The following MACROH2A1 variants were observed in gnomAD, a reference collection of about 807,000 sequenced individuals.
MACROH2A1 encodes macroH2A.1 histone, also known as core histone macro-H2A.1.
Under a neutral mutation model 31.6 loss-of-function variants are expected in MACROH2A1, and 2 were observed. The observed-to-expected ratio is 0.06, with a 90% CI of 0.03 to 0.20. MACROH2A1 has a LOEUF of 0.20. Among genes scored for constraint, MACROH2A1 ranks in the 10% least tolerant of loss-of-function variants. The pLI, the probability that MACROH2A1 is intolerant of heterozygous loss-of-function variation, is 1.00. For missense variants in MACROH2A1, 230 were observed against 474.0 expected (o/e 0.49, Z 4.78); for synonymous variants, 169 against 189.6 (o/e 0.89, Z 0.89).
intron 6 of MACROH2A1, chr5:135,351,602 G>T: frequency 9.8e-6 from 1 of 102,006 alleles, no homozygotes; most frequent in Admixed American, 1.5e-4. Context: ...TCTTGCTGTT[G>T]CCTAGGCTGG....
chr5:135,346,983 A>G (rs1760921856), intron 6 of MACROH2A1: 1 of 152,246 alleles, frequency 6.6e-6, no homozygotes, highest in South Asian at 2.1e-4. Flanking sequence ...AAGTTTGGCC[A>G]GAATGGGGTC....
intron 8 of MACROH2A1, among the ~76,000 whole-genome samples, chr5:135,336,954 G>GTACTT (rs1262011269): frequency 5.3e-5 from 8 of 152,354 alleles, no homozygotes; most frequent in South Asian, 2.1e-4. Flanking sequence ...GTTGCAGCCT[G>GTACTT]TACTTAGGGG....
chr5:135,354,636 C>A, intron 5 of MACROH2A1: 1 of 202,950 alleles, frequency 4.9e-6, no homozygotes, highest in Non-Finnish European at 1.0e-5. Context: ...GGCACCAGGA[C>A]AGAGGCACAG....
chr5:135,352,042 G>A (rs2149775008), intron 6 of MACROH2A1, among the ~76,000 whole-genome samples: 1 of 152,186 alleles, frequency 6.6e-6, no homozygotes, highest in South Asian at 2.1e-4. Context: ...GTCAGGCCTG[G>A]GCCCATGGAA....
chr5:135,334,889 A>G lies in MACROH2A1; in HGVS notation c.*87T>C. 1 of 1,132,070 alleles carries G rather than the reference A, an allele frequency of 8.8e-7. No individual in the cohort carries two copies. Among genetic ancestry groups the G allele is most frequent in the Non-Finnish European group, 1.3e-6 (1 of 781,912 alleles). 70.1% of individuals were successfully genotyped at this position (1,132,070 alleles called of 1,614,324 possible). ...CAAAACTGAAAATGAAAGGGGTCCC[A>G]CCTCCCAGTAGGAGTGAAGGGGATT... On this transcript the variant is annotated 3_prime_UTR_variant, in exon 9 of 9. Transcript: ENST00000511689.
At chr5:135,397,562 T>C (rs1242033821) in intron 1 of MACROH2A1, among the ~76,000 whole-genome samples, 1 of 152,236 alleles carries the variant, frequency 6.6e-6, no homozygotes, top group African/African-American at 2.4e-5. Flanking sequence ...TTCTCTCTCC[T>C]TGTAAAACTA....
rs888703041 is a variant in MACROH2A1, at chr5:135,368,666, C to A, written c.477+740G>T. ...ACAACTGCTGACAAGTAGGACTGGG[C>A]AAAGAAGGAACAAAGAAAATGTATC... On this transcript the variant is annotated intron_variant, in intron 4 of 8. Coordinates refer to ENST00000511689, the MANE Select transcript of MACROH2A1 (RefSeq NM_138610.3). 4.6e-5 allele frequency among the ~76,000 whole-genome samples: 7 copies of A among 152,304 alleles called. No individual in the cohort carries two copies. The East Asian group carries it at 1.3e-3, about 29-fold the overall frequency.
chr5:135,395,679 G>GAT (rs1767872554), intron 1 of MACROH2A1, among the ~76,000 whole-genome samples: 1 of 152,198 alleles, frequency 6.6e-6, no homozygotes. Flanking sequence ...GAGGCATGTG[G>GAT]ATATACTAGA....
chr5:135,363,368 C>T lies in MACROH2A1; in HGVS notation c.478-2761G>A, dbSNP rs563694860. On this transcript the variant is annotated intron_variant, in intron 4 of 8. Transcript: ENST00000511689. ...TTTTCCCTTCAAGGTACCCACCCAA[C>T]GGGACAACAGGGCAGGTGCTTAAGG... Among the ~76,000 whole-genome samples, 19 of 152,308 alleles carry T rather than the reference C, an allele frequency of 1.2e-4. No homozygotes were observed. In the South Asian group the frequency reaches 2.7e-3, roughly 22 times the overall value.
At chr5:135,340,374 A>G (rs746295971) in intron 8 of MACROH2A1, among the ~76,000 whole-genome samples, 4 of 152,252 alleles carry the variant, frequency 2.6e-5, no homozygotes, top group Non-Finnish European at 4.4e-5. Flanking sequence ...TAGCTTGAAA[A>G]AAATAAACCA....
chr5:135,380,882 G>A (rs1765572564), intron 2 of MACROH2A1, among the ~76,000 whole-genome samples: 3 of 152,198 alleles, frequency 2.0e-5, no homozygotes, highest in African/African-American at 7.2e-5. Context: ...AAATGCAAAA[G>A]AGCCCAAAGG....
chr5:135,341,503 T>C (rs1220927508), intron 8 of MACROH2A1, among the ~76,000 whole-genome samples: 1 of 152,244 alleles, frequency 6.6e-6, no homozygotes, highest in African/African-American at 2.4e-5. Flanking sequence ...ACCAGAGATC[T>C]TTCCCCAGAG....
chr5:135,380,958 T>C (rs1021228393), intron 2 of MACROH2A1, among the ~76,000 whole-genome samples: 2 of 152,164 alleles, frequency 1.3e-5, no homozygotes, highest in Non-Finnish European at 2.9e-5. Flanking sequence ...TTATTACTTA[T>C]TAGAGAAAAG....
intron 8 of MACROH2A1, among the ~76,000 whole-genome samples, chr5:135,339,329 C>T (rs1160465679): frequency 6.6e-6 from 1 of 152,140 alleles, no homozygotes; most frequent in Non-Finnish European, 1.5e-5. Flanking sequence ...TGTCTGGACA[C>T]GCAGGGACTC....
At chr5:135,377,830 G>A (rs1245412945) in intron 2 of MACROH2A1, among the ~76,000 whole-genome samples, 1 of 152,200 alleles carries the variant, frequency 6.6e-6, no homozygotes, top group African/African-American at 2.4e-5. Context: ...CAGACACTCT[G>A]TCCCAGCCTG....
chr5:135,382,840 G>A lies in MACROH2A1; in HGVS notation c.172+6082C>T, dbSNP rs184717058. On this transcript the variant is annotated intron_variant, in intron 2 of 8. Coordinates refer to ENST00000511689, the MANE Select transcript of MACROH2A1 (RefSeq NM_138610.3). ...ATGGGCCCATTGCTTCACAAAGTAG[G>A]CCCAGATCATGTTTACGCTCTCCTG... Among the ~76,000 whole-genome samples, 49 of 152,302 alleles carry A rather than the reference G, an allele frequency of 3.2e-4. No homozygotes were observed. The East Asian group carries it at 9.4e-3, about 29-fold the overall frequency.
At chr5:135,389,455 G>A (rs1766895595) in intron 1 of MACROH2A1, among the ~76,000 whole-genome samples, 1 of 152,182 alleles carries the variant, frequency 6.6e-6, no homozygotes, top group South Asian at 2.1e-4. Context: ...TGAGACTGGG[G>A]CTGATAAACT....
intron 1 of MACROH2A1, 111 bp from the exon 2 acceptor site, chr5:135,389,237 G>A (rs1766861513): frequency 4.5e-6 from 3 of 667,316 alleles, no homozygotes; most frequent in East Asian, 5.8e-5. Flanking sequence ...AGATGCCACT[G>A]TCTGTAGCTG....
chr5:135,370,195 G>T, intron 2 of MACROH2A1, 53 bp from the exon 3 acceptor site: 1 of 1,132,506 alleles, frequency 8.8e-7, no homozygotes, highest in Non-Finnish European at 1.3e-6. Context: ...ATGTGTCCCC[G>T]CCCCGGTCCC....
Sources: allele counts gnomAD v4.1 joint callset (sites outside exome capture counted in the v4.1 genomes callset), GRCh38; gene constraint gnomAD v4.1.1; transcripts MANE v1.5; gene names NCBI Gene and HGNC (gene_info 2026-07-23, HGNC 2026-07-21).